TRPM3: variants seen among roughly 807,000 people sequenced by gnomAD.
TRPM3 encodes the protein long transient receptor potential channel 3.
In TRPM3, 77 loss-of-function variants were observed where a neutral mutation model predicts 181.2. That is an observed-to-expected ratio of 0.42 (90% confidence interval 0.35 to 0.51). The LOEUF is 0.51. TRPM3 is among the 20% of genes least tolerant of loss of function. The pLI is 0.01. For synonymous variants in TRPM3, 745 were observed against 796.4 expected, an observed-to-expected ratio of 0.94 and a Z score of 1.09; for missense variants, 1,759 against 2,196.7, an observed-to-expected ratio of 0.80 and a Z score of 3.98.
At chr9:71,122,827 T>C (rs17522056), upstream of TRPM3, among the ~76,000 whole-genome samples, 6,396 of 152,310 alleles carry the variant, frequency 0.042, 157 homozygotes, top group South Asian at 0.076. Context: ...CCTCGTATAG[T>C]AAAATTTATG....
chr9:70,952,821 A>G (rs2097019398), intron 1 of TRPM3, among the ~76,000 whole-genome samples: 1 of 152,176 alleles, frequency 6.6e-6, no homozygotes, highest in African/African-American at 2.4e-5. Context: ...CACGTGAAAT[A>G]TTCTGGATTT....
At chr9:70,923,942 A>G (rs1352919773) in intron 1 of TRPM3, among the ~76,000 whole-genome samples, 1 of 147,218 alleles carries the variant, frequency 6.8e-6, no homozygotes, top group Non-Finnish European at 1.5e-5. Context: ...ATATACATAT[A>G]TATATACACA....
chr9:71,039,698 T>C (rs1016651120), intron 1 of TRPM3, among the ~76,000 whole-genome samples: 4 of 152,104 alleles, frequency 2.6e-5, no homozygotes, highest in South Asian at 2.1e-4. Flanking sequence ...CTCACAAACA[T>C]TGGAAATAAA....
At chr9:71,446,432 GC>G (rs2094204707) in intron 1 of TRPM3, among the ~76,000 whole-genome samples, 1 of 152,160 alleles carries the variant, frequency 6.6e-6, no homozygotes, top group African/African-American at 2.4e-5. Context: ...TTTTTGCAGA[GC>G]CGCCAGAGAC....
intron 3 of TRPM3, 56 bp downstream of exon 3, chr9:70,862,852 G>T: frequency 6.4e-7 from 1 of 1,568,292 alleles, no homozygotes; most frequent in African/African-American, 1.4e-5. Context: ...CCACCCCTTT[G>T]CAGGACTTGA....
At chr9:70,768,185 C>G (rs2079516314) in intron 7 of TRPM3, among the ~76,000 whole-genome samples, 1 of 152,142 alleles carries the variant, frequency 6.6e-6, no homozygotes, top group South Asian at 2.1e-4. Context: ...ATAATGAGAA[C>G]CACCATTTCC....
At chr9:71,290,798 G>T (rs1233759632) in intron 1 of TRPM3, among the ~76,000 whole-genome samples, 1 of 151,842 alleles carries the variant, frequency 6.6e-6, no homozygotes, top group Non-Finnish European at 1.5e-5. Flanking sequence ...AAATGTATTA[G>T]GTTTTGTTAA....
chr9:71,212,118 TTTTG>T (rs2079545514), intron 1 of TRPM3, among the ~76,000 whole-genome samples: 2 of 151,892 alleles, frequency 1.3e-5, no homozygotes, highest in Admixed American at 6.6e-5. Flanking sequence ...TTTGTTTTGT[TTTTG>T]TTTGTTTTTC....
chr9:70,825,897 G>T (rs7862322), intron 6 of TRPM3: 44,282 of 152,086 alleles, frequency 0.29, 6,999 homozygotes, highest in African/African-American at 0.42. Flanking sequence ...CTAGGCTCTG[G>T]CTGGGGTTTT....
chr9:70,612,352 A>G (rs1387067032), intron 18 of TRPM3, among the ~76,000 whole-genome samples: 1 of 152,262 alleles, frequency 6.6e-6, no homozygotes, highest in Admixed American at 6.5e-5. Flanking sequence ...GATTTGGGGC[A>G]AGACAGAGTA....
chr9:71,098,561 T>A (rs955713585), intron 1 of TRPM3, among the ~76,000 whole-genome samples: 1 of 152,108 alleles, frequency 6.6e-6, no homozygotes, highest in Non-Finnish European at 1.5e-5. Context: ...GTTAAACAGA[T>A]CATGTTATAT....
At chr9:71,004,308 G>GGTGATTAA (rs1338419070) in intron 1 of TRPM3, among the ~76,000 whole-genome samples, 2 of 152,244 alleles carry the variant, frequency 1.3e-5, no homozygotes, top group Non-Finnish European at 2.9e-5. Context: ...CCCAAAGGCT[G>GGTGATTAA]GTGATTAAGT....
chr9:70,945,111 G>A (rs999460208), intron 1 of TRPM3, among the ~76,000 whole-genome samples: 5 of 152,164 alleles, frequency 3.3e-5, no homozygotes, highest in African/African-American at 1.2e-4. Flanking sequence ...AGCTCCCCAG[G>A]TAAGTCCAAT....
chr9:70,751,644 A>C lies in TRPM3; in HGVS notation c.1272+9957T>G, dbSNP rs141572230. 3.0e-3 allele frequency among the ~76,000 whole-genome samples: 451 copies of C among 152,320 alleles called. 2 individuals are homozygous for C. The highest frequency in any genetic ancestry group is 9.8e-3 in the African/African-American group (409 of 41,578). ...AGGACTAGCAGAAAAGTACAATGTC[A>C]TTGAAATTTTAGGAAGGTAGAAAAG... is the stretch of plus-strand genomic sequence containing the variant. On this transcript the variant is annotated intron_variant, in intron 8 of 25. Coordinates refer to ENST00000677713, the MANE Select transcript of TRPM3 (RefSeq NM_001366145.2).
intron 22 of TRPM3, among the ~76,000 whole-genome samples, chr9:70,566,865 C>A (rs2050730883): frequency 6.6e-6 from 1 of 152,182 alleles, no homozygotes; most frequent in Non-Finnish European, 1.5e-5. Context: ...TCAATCCCAC[C>A]CACATACACA....
chr9:70,934,976 T>C (rs746344182), intron 1 of TRPM3, among the ~76,000 whole-genome samples: 1 of 152,300 alleles, frequency 6.6e-6, no homozygotes, highest in Middle Eastern at 3.4e-3. Flanking sequence ...TTTTCCATAG[T>C]AGCAAGTTCT....
At chr9:71,371,126 A>C (rs1364651090) in intron 1 of TRPM3, among the ~76,000 whole-genome samples, 1 of 152,128 alleles carries the variant, frequency 6.6e-6, no homozygotes, top group African/African-American at 2.4e-5. Context: ...GTCACTCAAG[A>C]GCTCTGATGG....
At chr9:70,850,572 G>C (rs574989015) in intron 3 of TRPM3, among the ~76,000 whole-genome samples, 6 of 152,124 alleles carry the variant, frequency 3.9e-5, no homozygotes, top group Non-Finnish European at 5.9e-5. Context: ...TGTTCAGCTT[G>C]TTGCATGCCA....
At chr9:71,368,851 T>C (rs756284716) in intron 1 of TRPM3, among the ~76,000 whole-genome samples, 4 of 152,114 alleles carry the variant, frequency 2.6e-5, no homozygotes, top group Non-Finnish European at 2.9e-5. Context: ...TTGGATTCAG[T>C]TGAACTCAAT....
Sources: gnomAD v4.1 joint callset for allele counts (sites outside exome capture counted in the v4.1 genomes callset) on GRCh38, gnomAD v4.1.1 for gene constraint, MANE v1.5 for transcripts, NCBI Gene and HGNC (gene_info 2026-07-23, HGNC 2026-07-21) for gene names.